Variants in NCOA2 observed in about 807,000 individuals in gnomAD.
The protein encoded by NCOA2 is nuclear receptor coactivator 2, also known as class E basic helix-loop-helix protein 75.
A neutral mutation model predicts 145.1 loss-of-function variants in NCOA2; 21 were observed. The ratio of observed to expected loss-of-function variants is 0.14; its 90% CI spans 0.10 to 0.21. NCOA2 has a LOEUF of 0.21. Among genes scored for constraint, NCOA2 ranks in the 10% least tolerant of loss-of-function variants. The pLI, the probability that NCOA2 is intolerant of heterozygous loss-of-function variation, is 1.00. For synonymous variants in NCOA2, 619 were observed against 637.5 expected (o/e 0.97, Z 0.44); for missense variants, 1,472 against 1,837.6 (o/e 0.80, Z 3.64).
At chr8:70,403,596 T>C in intron 1 of NCOA2, 104 bp downstream of exon 1, 1 of 322,270 alleles carries the variant, frequency 3.1e-6, no homozygotes, top group Non-Finnish European at 5.6e-6. Flanking sequence ...CTGTCGGAGC[T>C]CGGCGCAGGA....
At chr8:70,141,667 C>T (rs1309828191) in intron 13 of NCOA2, among the ~76,000 whole-genome samples, 1 of 152,062 alleles carries the variant, frequency 6.6e-6, no homozygotes, top group Non-Finnish European at 1.5e-5. Flanking sequence ...AAACAGGTGC[C>T]GTGGCGTGTG....
chr8:70,180,110 A>T (rs185645492), intron 4 of NCOA2, among the ~76,000 whole-genome samples: 10 of 152,298 alleles, frequency 6.6e-5, no homozygotes, highest in Non-Finnish European at 1.3e-4. Context: ...GATAAAGACC[A>T]CGACCTAAGA....
chr8:70,283,366 G>A (rs900943329), intron 2 of NCOA2, among the ~76,000 whole-genome samples: 1 of 152,212 alleles, frequency 6.6e-6, no homozygotes, highest in African/African-American at 2.4e-5. Context: ...TCATTGATGA[G>A]TTTTTAAGTG....
chr8:70,296,529 A>G, intron 2 of NCOA2, among the ~76,000 whole-genome samples: 2 of 152,200 alleles, frequency 1.3e-5, no homozygotes, highest in East Asian at 3.8e-4. Flanking sequence ...TATAGTAACC[A>G]CTGATAAACA....
chr8:70,237,456 T>C (rs1334664227), intron 2 of NCOA2, among the ~76,000 whole-genome samples: 2 of 150,634 alleles, frequency 1.3e-5, no homozygotes, highest in East Asian at 3.9e-4. Flanking sequence ...TATAAACTTA[T>C]AGTTTTGTAT....
chr8:70,349,586 T>C (rs1432876689), intron 1 of NCOA2, among the ~76,000 whole-genome samples: 1 of 152,072 alleles, frequency 6.6e-6, no homozygotes, highest in East Asian at 1.9e-4. Flanking sequence ...ATAACCCCAC[T>C]ATACATTTTG....
intron 12 of NCOA2, among the ~76,000 whole-genome samples, chr8:70,147,468 T>C (rs1008306281): frequency 6.6e-6 from 1 of 152,228 alleles, no homozygotes; most frequent in Non-Finnish European, 1.5e-5. Flanking sequence ...AATCACTCTG[T>C]TTTGCCAATT....
In NCOA2 at chr8:70,156,734, T is replaced by C. The variant is rs1391616224; in HGVS notation, c.1631A>G (p.His544Arg). Reference sequence around the variant, plus strand: ...CAACGATGACCCTAATGAGACCCCGTGCCCCTCGCTGAGGGCCTGAAGTGC... The same window carrying C: ...CAACGATGACCCTAATGAGACCCCGCGCCCCTCGCTGAGGGCCTGAAGTGC... ...LNALQALSEGHGVSLGSSLAS... is the reference protein window; with the variant it reads ...LNALQALSEGRGVSLGSSLAS... Residue 544 changes from histidine to arginine, a missense_variant, in exon 11 of 23, where the codon CAC becomes CGC. Physicochemically the swap from His to Arg is conservative, Grantham distance 29. Coordinates refer to ENST00000452400, the MANE Select transcript of NCOA2 (RefSeq NM_006540.4). 3 of 1,613,864 alleles carry C rather than the reference T, an allele frequency of 1.9e-6. No individual in the cohort carries two copies. Among genetic ancestry groups the C allele is most frequent in the Non-Finnish European group, 1.7e-6 (2 of 1,179,872 alleles).
chr8:70,237,426 CTTT>C (rs59737946), intron 2 of NCOA2, among the ~76,000 whole-genome samples: 41 of 142,344 alleles, frequency 2.9e-4, no homozygotes, highest in African/African-American at 7.4e-4. Context: ...CAGTATTTTC[CTTT>C]TTTTTTTTTT....
At chr8:70,268,984 T>C (rs535572700) in intron 2 of NCOA2, among the ~76,000 whole-genome samples, 1 of 152,176 alleles carries the variant, frequency 6.6e-6, no homozygotes. Context: ...AAATTTATTA[T>C]TTTAATACAG....
intron 22 of NCOA2, 69 bp from the exon 23 acceptor site, chr8:70,113,712 C>T: frequency 7.1e-7 from 1 of 1,410,914 alleles, no homozygotes; most frequent in Non-Finnish European, 9.8e-7. Flanking sequence ...TAAAGCCCAC[C>T]ACAAAAACAT....
Position 70,166,499 on chromosome 8 carries a change from A to C in NCOA2, c.730+67T>G. 24 of 1,534,572 alleles carry C rather than the reference A, an allele frequency of 1.6e-5. No homozygotes were observed. The South Asian group carries it at 2.6e-4, about 17-fold the overall frequency. ...TTTTCTTTGGGTGACCACTAATTAA[A>C]GTGTGAAGGAAGTAGCACAGGAATA... On this transcript the variant is annotated intron_variant, in intron 7 of 22. Coordinates refer to ENST00000452400, the MANE Select transcript of NCOA2 (RefSeq NM_006540.4).
chr8:70,403,833 A>G (rs901173548), upstream of NCOA2: 4 of 378,452 alleles, frequency 1.1e-5, no homozygotes, highest in Non-Finnish European at 1.4e-5. Context: ...TTCAATGGAG[A>G]TCCTCCCCCA....
At chr8:70,321,793 C>CTTTTTTTTTTTTTTTTTTTTTT (rs559680322) in intron 1 of NCOA2, among the ~76,000 whole-genome samples, 6 of 73,568 alleles carry the variant, frequency 8.2e-5, no homozygotes, top group African/African-American at 1.9e-4. Flanking sequence ...CAGAATATAC[C>CTTTTTTTTTTTTTTTTTTTTTT]TTTTTTTTTT....
At chr8:70,170,930 C>G (rs1435616791) in intron 5 of NCOA2, among the ~76,000 whole-genome samples, 1 of 152,154 alleles carries the variant, frequency 6.6e-6, no homozygotes, top group African/African-American at 2.4e-5. Context: ...AAAGAAACAT[C>G]AATCCTTTAT....
intron 1 of NCOA2, among the ~76,000 whole-genome samples, chr8:70,334,847 G>A (rs766915454): frequency 2.0e-5 from 3 of 152,186 alleles, no homozygotes; most frequent in Middle Eastern, 6.8e-3. Flanking sequence ...CTCCTTGGCT[G>A]GGCGCAGTGG....
intron 1 of NCOA2, among the ~76,000 whole-genome samples, chr8:70,358,304 A>AAAG (rs1809913681): frequency 6.6e-6 from 1 of 152,190 alleles, no homozygotes; most frequent in South Asian, 2.1e-4. Flanking sequence ...CTGAATAGTC[A>AAAG]AAACAATATT....
At chr8:70,437,793 A>G in the NCOA2 span, among the ~76,000 whole-genome samples, 2 of 152,218 alleles carry the variant, frequency 1.3e-5, no homozygotes, top group South Asian at 2.1e-4. Context: ...AAAGGTAATC[A>G]TGATTAGTTT....
chr8:70,259,835 C>T (rs1454899612), intron 2 of NCOA2, among the ~76,000 whole-genome samples: 2 of 152,166 alleles, frequency 1.3e-5, no homozygotes, highest in Non-Finnish European at 2.9e-5. Context: ...AGAGCTCTCG[C>T]ACATAAAAGT....
Sources: allele counts gnomAD v4.1 joint callset (sites outside exome capture counted in the v4.1 genomes callset), GRCh38; gene constraint gnomAD v4.1.1; transcripts MANE v1.5; gene names NCBI Gene and HGNC (gene_info 2026-07-23, HGNC 2026-07-21).